The following GKAP1 variants were observed in gnomAD, a reference collection of about 807,000 sequenced individuals.
The protein encoded by GKAP1 is G kinase anchoring protein 1, also known as G kinase-anchoring protein 1.
Under a neutral mutation model 56.7 loss-of-function variants are expected in GKAP1, and 31 were observed. That is an observed-to-expected ratio of 0.55 (90% CI 0.41 to 0.74). The LOEUF (loss-of-function observed/expected upper bound fraction) is 0.74, where lower values mean the gene tolerates loss of function less well. Among genes scored for constraint, GKAP1 ranks in the 30% least tolerant of loss-of-function variants. The pLI is 0.00. For missense variants in GKAP1, 364 were observed against 402.3 expected (o/e 0.90, Z 0.82); for synonymous variants, 151 against 138.6 (o/e 1.09, Z -0.63).
intron 4 of GKAP1, 80 bp from the exon 5 acceptor site, chr9:83,788,758 C>G: frequency 2.6e-6 from 2 of 772,380 alleles, no homozygotes; most frequent in Non-Finnish European, 2.1e-6. Context: ...TTACTATATA[C>G]AGAGGAAAAG....
intron 8 of GKAP1, among the ~76,000 whole-genome samples, chr9:83,758,054 G>T (rs906529485): frequency 1.3e-5 from 2 of 152,146 alleles, no homozygotes; most frequent in Non-Finnish European, 2.9e-5. Flanking sequence ...CACAAGAGGG[G>T]ACAGGATCAG....
intron 7 of GKAP1, among the ~76,000 whole-genome samples, chr9:83,774,702 C>CTTTT (rs1168792305): frequency 3.8e-5 from 4 of 104,898 alleles, no homozygotes; most frequent in African/African-American, 1.1e-4. Flanking sequence ...CAGAAACCCC[C>CTTTT]TTTTTTTTTT....
chr9:83,755,746 T>TA (rs1469060732), intron 8 of GKAP1, among the ~76,000 whole-genome samples: 3 of 146,900 alleles, frequency 2.0e-5, no homozygotes, highest in Non-Finnish European at 3.0e-5. Flanking sequence ...CAACAAACAT[T>TA]AAAAAAAGTA....
intron 10 of GKAP1, among the ~76,000 whole-genome samples, chr9:83,744,408 C>T (rs1458225215): frequency 6.6e-6 from 1 of 152,180 alleles, no homozygotes; most frequent in African/African-American, 2.4e-5. Flanking sequence ...TGTTAGGAAA[C>T]ACACCCATCT....
intron 7 of GKAP1, among the ~76,000 whole-genome samples, chr9:83,772,013 G>A (rs1943771547): frequency 6.6e-6 from 1 of 151,842 alleles, no homozygotes; most frequent in African/African-American, 2.4e-5. Flanking sequence ...CTAGAGATGG[G>A]ATTTTTTTCA....
At chr9:83,775,911 GAAAAGA>G (rs1240568463) in intron 7 of GKAP1, among the ~76,000 whole-genome samples, 2 of 132,270 alleles carry the variant, frequency 1.5e-5, no homozygotes, top group Non-Finnish European at 3.3e-5. Flanking sequence ...AGAGAGAAAA[GAAAAGA>G]AAAAGAAATG....
At chr9:83,762,931 T>C (rs1170656375) in intron 8 of GKAP1, among the ~76,000 whole-genome samples, 3 of 152,164 alleles carry the variant, frequency 2.0e-5, no homozygotes, top group Admixed American at 2.0e-4. Flanking sequence ...CCAACAATCC[T>C]GCTGGGTATA....
intron 3 of GKAP1, among the ~76,000 whole-genome samples, chr9:83,800,793 T>C (rs746842429): frequency 2.0e-5 from 3 of 152,200 alleles, no homozygotes; most frequent in Non-Finnish European, 4.4e-5. Context: ...CATGTTCAAA[T>C]AAGGCAAAGG....
At chr9:83,787,972 T>C (rs552442547) in intron 5 of GKAP1, among the ~76,000 whole-genome samples, 25 of 152,342 alleles carry the variant, frequency 1.6e-4, no homozygotes, top group Non-Finnish European at 2.4e-4. Context: ...TTATTTTCTA[T>C]GTTCATTTAA....
chr9:83,761,970 A>C (rs950081695), intron 8 of GKAP1, among the ~76,000 whole-genome samples: 2 of 152,138 alleles, frequency 1.3e-5, no homozygotes, highest in Non-Finnish European at 2.9e-5. Context: ...GGAAAAACTG[A>C]AAGCCTTTCC....
intron 6 of GKAP1, 61 bp from the exon 7 acceptor site, chr9:83,780,465 T>TAAAA (rs200663185): frequency 1.8e-4 from 39 of 210,896 alleles, no homozygotes; most frequent in East Asian, 3.3e-4. Context: ...TACAAAAATG[T>TAAAA]AAAAAAAAAA....
chr9:83,779,448 T>TATAC (rs1554742273), intron 7 of GKAP1, among the ~76,000 whole-genome samples: 6 of 119,614 alleles, frequency 5.0e-5, no homozygotes, highest in African/African-American at 1.9e-4. Context: ...TATATATATA[T>TATAC]ACACACACAC....
intron 9 of GKAP1, chr9:83,749,076 T>G (rs879313852): frequency 6.6e-6 from 1 of 152,130 alleles, no homozygotes; most frequent in Admixed American, 6.6e-5. Context: ...TGGCTTAGCT[T>G]CTTCTCACAT....
intron 7 of GKAP1, among the ~76,000 whole-genome samples, chr9:83,772,571 C>T (rs1943780435): frequency 6.6e-6 from 1 of 152,048 alleles, no homozygotes; most frequent in Non-Finnish European, 1.5e-5. Context: ...AACTTTTGTG[C>T]TTCAAAAGAC....
chr9:83,789,726 T>TC (rs1199404540), intron 4 of GKAP1, among the ~76,000 whole-genome samples: 3 of 151,238 alleles, frequency 2.0e-5, no homozygotes, highest in Non-Finnish European at 4.4e-5. Flanking sequence ...ATCCAATTCC[T>TC]TTTTTTTCCT....
chr9:83,792,009 C>A (rs1944167695), intron 4 of GKAP1, among the ~76,000 whole-genome samples: 1 of 152,068 alleles, frequency 6.6e-6, no homozygotes, highest in Non-Finnish European at 1.5e-5. Context: ...TTAAACATTA[C>A]AAGAGAAAGA....
chr9:83,749,405 T>A (rs533477452), intron 9 of GKAP1, among the ~76,000 whole-genome samples: 28 of 152,226 alleles, frequency 1.8e-4, no homozygotes, highest in African/African-American at 6.3e-4. Context: ...TTTTGTATTT[T>A]CAGTACAGAT....
chr9:83,785,077 C>T (rs1417123303), intron 5 of GKAP1, among the ~76,000 whole-genome samples: 1 of 152,162 alleles, frequency 6.6e-6, no homozygotes, highest in Non-Finnish European at 1.5e-5. Context: ...ACCCCCTCCT[C>T]ATTGCTACCT....
chr9:83,775,016 T>C (rs963526247), intron 7 of GKAP1, among the ~76,000 whole-genome samples: 1 of 151,080 alleles, frequency 6.6e-6, no homozygotes, highest in South Asian at 2.1e-4. Flanking sequence ...CCCTTCTTTT[T>C]TTTTTTTTAA....
Sources: gnomAD v4.1 joint callset for allele counts (sites outside exome capture counted in the v4.1 genomes callset) on GRCh38, gnomAD v4.1.1 for gene constraint, MANE v1.5 for transcripts, NCBI Gene and HGNC (gene_info 2026-07-23, HGNC 2026-07-21) for gene names.